Variants in GSG1L observed in about 807,000 individuals in gnomAD.
GSG1L encodes the protein GSG1 like.
Under a neutral mutation model 42.1 loss-of-function variants are expected in GSG1L, and 24 were observed. The ratio of observed to expected loss-of-function variants is 0.57; its 90% CI spans 0.41 to 0.80. The LOEUF is 0.80. GSG1L is among the 30% of genes least tolerant of loss of function. GSG1L has a pLI of 0.00. For synonymous variants in GSG1L, 215 were observed against 203.5 expected (o/e 1.06, Z -0.48); for missense variants, 445 against 472.2 (o/e 0.94, Z 0.53).
In GSG1L at chr16:27,802,229, G is replaced by A. The variant is rs909019556; in HGVS notation, c.898+5258C>T. ...CAGGGTCCAGCAACGTGCCTTATTC[G>A]TCTCCATGCTCCCAGGAGCCAGAGA... On this transcript the variant is annotated intron_variant, in intron 6 of 6. Coordinates refer to ENST00000447459, the MANE Select transcript of GSG1L (RefSeq NM_001109763.2). Among the ~76,000 whole-genome samples, 10 of 152,136 alleles carry A rather than the reference G, an allele frequency of 6.6e-5. No homozygotes were observed. In the East Asian group the frequency reaches 9.6e-4, roughly 15 times the overall value.
At chr16:27,973,071 T>C (rs1431139731) in intron 1 of GSG1L, among the ~76,000 whole-genome samples, 1 of 152,144 alleles carries the variant, frequency 6.6e-6, no homozygotes, top group African/African-American at 2.4e-5. Context: ...TTTATTTCCT[T>C]GTTGGCGAAA....
chr16:27,900,573 C>T (rs1431998512), intron 2 of GSG1L, among the ~76,000 whole-genome samples: 2 of 152,114 alleles, frequency 1.3e-5, no homozygotes, highest in Non-Finnish European at 2.9e-5. Context: ...CAGGTAAGGA[C>T]ACTGAGGCAG....
chr16:27,887,004 G>A (rs939806302), intron 2 of GSG1L, among the ~76,000 whole-genome samples: 1 of 151,650 alleles, frequency 6.6e-6, no homozygotes, highest in Non-Finnish European at 1.5e-5. Context: ...CACCCAGGCT[G>A]CAGCACAGTG....
intron 2 of GSG1L, among the ~76,000 whole-genome samples, chr16:27,888,727 C>T (rs2084085632): frequency 6.6e-6 from 1 of 151,702 alleles, no homozygotes; most frequent in African/African-American, 2.4e-5. Context: ...AAGCAATTCT[C>T]CTGCGTCAGC....
intron 1 of GSG1L, among the ~76,000 whole-genome samples, chr16:28,010,398 G>C (rs1396099872): frequency 6.6e-6 from 1 of 152,172 alleles, no homozygotes; most frequent in Non-Finnish European, 1.5e-5. Flanking sequence ...ACTGTGGGGG[G>C]ATTTTGCTAA....
intron 2 of GSG1L, among the ~76,000 whole-genome samples, chr16:27,909,368 C>T: frequency 6.8e-6 from 1 of 146,054 alleles, no homozygotes; most frequent in African/African-American, 2.5e-5. Context: ...TTCTTTCTTT[C>T]TTTCTTCTTT....
At chr16:27,837,464 A>C (rs577104002) in intron 4 of GSG1L, among the ~76,000 whole-genome samples, 2 of 152,206 alleles carry the variant, frequency 1.3e-5, no homozygotes, top group Non-Finnish European at 2.9e-5. Flanking sequence ...CTGACTCCCC[A>C]TTAGGCCTCT....
chr16:27,942,226 GGCAACCTCT>G (rs1450915076), intron 2 of GSG1L, among the ~76,000 whole-genome samples: 1 of 149,914 alleles, frequency 6.7e-6, no homozygotes, highest in Non-Finnish European at 1.5e-5. Context: ...CTCGGCTCAC[GGCAACCTCT>G]GCCTCCCGGG....
intron 2 of GSG1L, among the ~76,000 whole-genome samples, chr16:27,909,340 T>C (rs2084354407): frequency 6.6e-6 from 1 of 151,798 alleles, no homozygotes; most frequent in Admixed American, 6.6e-5. Flanking sequence ...TCTTTCTTTT[T>C]CTTTCTTTCT....
At chr16:27,814,563 T>A (rs1446242515) in intron 5 of GSG1L, among the ~76,000 whole-genome samples, 1 of 151,664 alleles carries the variant, frequency 6.6e-6, no homozygotes, top group Non-Finnish European at 1.5e-5. Context: ...CGGGCGCCTA[T>A]AATCCCAGCT....
At chr16:27,808,070 T>C (rs116946845) in intron 5 of GSG1L, among the ~76,000 whole-genome samples, 9,012 of 151,846 alleles carry the variant, frequency 0.059, 375 homozygotes, top group Admixed American at 0.13. Context: ...TCTTCTTCGC[T>C]AAGCAGCATT....
At chr16:27,803,791 A>C (rs867301983) in intron 6 of GSG1L, among the ~76,000 whole-genome samples, 143 of 62,464 alleles carry the variant, frequency 2.3e-3, no homozygotes, top group Middle Eastern at 6.8e-3. Flanking sequence ...ATATATATAT[A>C]TATAGATAGA....
rs58590954 is a variant in GSG1L, at chr16:27,900,822, TAA to T, written c.398-16186_398-16185del. 2.8e-3 allele frequency among the ~76,000 whole-genome samples: 416 copies of T among 147,230 alleles called. 1 individual carries two copies. Among genetic ancestry groups the T allele is most frequent in the African/African-American group, 6.7e-3 (269 of 40,010 alleles). On this transcript the variant is annotated intron_variant, in intron 2 of 6. Coordinates refer to ENST00000447459, the MANE Select transcript of GSG1L (RefSeq NM_001109763.2). The stretch of plus-strand genomic sequence containing the variant: ...TATTGGAATGGAATTATCAAAACAT[TAA>T]AAAAAAAAAAACAGATACATAGGCC...
intron 1 of GSG1L, among the ~76,000 whole-genome samples, chr16:28,026,949 G>A (rs1051414659): frequency 6.6e-6 from 1 of 152,138 alleles, no homozygotes; most frequent in Non-Finnish European, 1.5e-5. Flanking sequence ...GGGCATGGTG[G>A]TGCACACATG....
intron 1 of GSG1L, among the ~76,000 whole-genome samples, chr16:27,985,416 G>A (rs1044319403): frequency 1.3e-5 from 2 of 152,082 alleles, no homozygotes; most frequent in Non-Finnish European, 2.9e-5. Context: ...CTCACCATGG[G>A]ACACACTGCC....
At chr16:27,849,211 A>ACCCC (rs1476071416) in intron 3 of GSG1L, among the ~76,000 whole-genome samples, 4 of 151,218 alleles carry the variant, frequency 2.6e-5, no homozygotes, top group African/African-American at 9.7e-5. Context: ...AAGAAAAAAA[A>ACCCC]AAAAAAAAAA....
chr16:27,933,824 G>A (rs1181654997), intron 2 of GSG1L, among the ~76,000 whole-genome samples: 2 of 152,128 alleles, frequency 1.3e-5, no homozygotes, highest in Non-Finnish European at 2.9e-5. Context: ...TTTCCTTGAA[G>A]TCCAAGAGAG....
At chr16:28,027,592 A>G (rs1317567518) in intron 1 of GSG1L, among the ~76,000 whole-genome samples, 3 of 152,234 alleles carry the variant, frequency 2.0e-5, no homozygotes, top group Non-Finnish European at 4.4e-5. Flanking sequence ...AATAGAGTCT[A>G]AGGAATCAAA....
At chr16:27,915,918 C>T (rs887729523) in intron 2 of GSG1L, among the ~76,000 whole-genome samples, 2 of 152,020 alleles carry the variant, frequency 1.3e-5, no homozygotes, top group African/African-American at 4.8e-5. Flanking sequence ...GGCCCTCGGG[C>T]AAATCATTTA....
Sources: allele counts gnomAD v4.1 joint callset (sites outside exome capture counted in the v4.1 genomes callset), GRCh38; gene constraint gnomAD v4.1.1; transcripts MANE v1.5; gene names NCBI Gene and HGNC (gene_info 2026-07-23, HGNC 2026-07-21).